PLEKHA6: variants seen among roughly 807,000 people sequenced by gnomAD.
The protein encoded by PLEKHA6 is pleckstrin homology domain-containing family A member 6.
In PLEKHA6, 60 loss-of-function variants were observed where a neutral mutation model predicts 116.7. That is an observed-to-expected ratio of 0.51 (90% CI 0.42 to 0.64). The LOEUF (loss-of-function observed/expected upper bound fraction) is 0.64, where lower values mean the gene tolerates loss of function less well. Among genes scored for constraint, PLEKHA6 ranks in the 30% least tolerant of loss-of-function variants. The probability of loss-of-function intolerance (pLI) is 0.00; values close to 1 mark genes in which losing one functional copy is unlikely to be tolerated. For missense variants in PLEKHA6, 1,338 were observed against 1,422.7 expected, an observed-to-expected ratio of 0.94 and a Z score of 0.96; for synonymous variants, 489 against 556.1, an observed-to-expected ratio of 0.88 and a Z score of 1.70.
At chr1:204,256,902 G>A in intron 9 of PLEKHA6, 1 of 627,998 alleles carries the variant, frequency 1.6e-6, no homozygotes, top group Non-Finnish European at 2.9e-6. Flanking sequence ...GAAGAGAAAG[G>A]GATCGCAGAG....
chr1:204,226,986 T>C (rs1048676214), intron 21 of PLEKHA6, among the ~76,000 whole-genome samples: 1 of 152,198 alleles, frequency 6.6e-6, no homozygotes, highest in Non-Finnish European at 1.5e-5. Context: ...GCACACATTG[T>C]TTCCAATCCT....
intron 3 of PLEKHA6, among the ~76,000 whole-genome samples, chr1:204,268,823 C>T (rs1257972918): frequency 6.6e-6 from 1 of 152,166 alleles, no homozygotes; most frequent in Non-Finnish European, 1.5e-5. Context: ...CACACTATGG[C>T]AATAGTCCAC....
rs74513732 is a variant in PLEKHA6 at position 204,223,374 on chromosome 1, C to T, written c.*8+88G>A. The T allele has an allele frequency of 9.5e-4, 702 of 735,892 alleles. 8 individuals are homozygous for T. In the East Asian group the frequency reaches 0.016, roughly 16 times the overall value. 45.6% of individuals were successfully genotyped at this position (735,892 alleles called of 1,614,324 possible). A position where few individuals can be genotyped will look rare whatever the true frequency, so the allele number is the denominator to read the frequency against. Reference sequence around the variant, plus strand: ...CACTGGGGTAGGGGAGAAGCAATACCAAAATGAGAGGGCATAGATGGCTCA... The same window carrying T: ...CACTGGGGTAGGGGAGAAGCAATACTAAAATGAGAGGGCATAGATGGCTCA... On this transcript the variant is annotated intron_variant, in intron 22 of 22. Transcript: ENST00000272203. The surrounding 1 kb of genome is among the most constrained non-coding windows in gnomAD (Gnocchi z 4.8).
At chr1:204,370,897 T>C (rs1382769554) in intron 2 of PLEKHA6, among the ~76,000 whole-genome samples, 1 of 151,882 alleles carries the variant, frequency 6.6e-6, no homozygotes, top group African/African-American at 2.4e-5. Flanking sequence ...CTACTAACAA[T>C]ACAAAAATTA....
At chr1:204,299,132 T>G (rs1670569663) in intron 1 of PLEKHA6, among the ~76,000 whole-genome samples, 1 of 152,216 alleles carries the variant, frequency 6.6e-6, no homozygotes, top group Non-Finnish European at 1.5e-5. Flanking sequence ...GAGTAGTCAG[T>G]AACTTGTACC....
chr1:204,358,084 G>T (rs148526384), intron 1 of PLEKHA6, among the ~76,000 whole-genome samples: 1 of 152,330 alleles, frequency 6.6e-6, no homozygotes, highest in East Asian at 1.9e-4. Flanking sequence ...GACCCCCATT[G>T]TCTGCAGCCT....
rs542878024 is a variant in PLEKHA6, at chr1:204,338,747, T to C, written c.-95+20947A>G. On this transcript the variant is annotated intron_variant, in intron 1 of 22. Transcript: ENST00000272203. ...CTTCTGAAAACGGGCAGGATTTTGGTAAATGGAAGTAAGACAGGAGCAGAC... is the reference window on the plus strand; with the variant it reads ...CTTCTGAAAACGGGCAGGATTTTGGCAAATGGAAGTAAGACAGGAGCAGAC... Among the ~76,000 whole-genome samples, 78 of 151,952 alleles carry C rather than the reference T, an allele frequency of 5.1e-4. 2 individuals carry two copies. The South Asian group carries it at 0.015, about 29-fold the overall frequency.
chr1:204,330,547 G>A (rs975859151), intron 1 of PLEKHA6, among the ~76,000 whole-genome samples: 4 of 152,180 alleles, frequency 2.6e-5, no homozygotes, highest in East Asian at 1.9e-4. Flanking sequence ...TGTGCTAGGC[G>A]ATAGTGCAAT....
rs181460109 is a variant in PLEKHA6 at position 204,267,680 on chromosome 1, C to A, written c.208-133G>T. On this transcript the variant is annotated intron_variant, in intron 4 of 22. Transcript: ENST00000272203. Reference sequence around the variant, plus strand: ...TAGCTGCGGCTCTGCTGTTAATGCACGGCAGCAACCCCTGGAGACCTCAGA... The same window carrying A: ...TAGCTGCGGCTCTGCTGTTAATGCAAGGCAGCAACCCCTGGAGACCTCAGA... The A allele has an allele frequency of 5.6e-6, 4 of 715,870 alleles. No homozygotes were observed. In the African/African-American group the frequency reaches 7.0e-5, roughly 12 times the overall value. 44.3% of individuals were successfully genotyped at this position (715,870 alleles called of 1,614,324 possible).
At chr1:204,252,242 G>T (rs1320841499) in intron 9 of PLEKHA6, among the ~76,000 whole-genome samples, 4 of 150,698 alleles carry the variant, frequency 2.7e-5, no homozygotes, top group African/African-American at 9.8e-5. Context: ...GGGACACCAG[G>T]CTTTCCAACA....
intron 1 of PLEKHA6, among the ~76,000 whole-genome samples, chr1:204,302,067 T>C (rs2103091978): frequency 6.6e-6 from 1 of 152,324 alleles, no homozygotes; most frequent in East Asian, 1.9e-4. Flanking sequence ...GCTTCTTTTC[T>C]TGGAGTGATA....
chr1:204,245,925 G>A (rs541768664), intron 13 of PLEKHA6, among the ~76,000 whole-genome samples, 199 bp from the exon 14 acceptor site: 25 of 152,124 alleles, frequency 1.6e-4, no homozygotes, highest in African/African-American at 5.3e-4. Context: ...CTGCTCTTCA[G>A]CCTCTAGGAG....
chr1:204,371,776 C>T (rs984173161), intron 1 of PLEKHA6, among the ~76,000 whole-genome samples: 2 of 152,254 alleles, frequency 1.3e-5, no homozygotes, highest in African/African-American at 4.8e-5. Flanking sequence ...TTACTAAGCA[C>T]ACTCTGAGGA....
At chr1:204,332,069 T>C (rs1672473972) in intron 1 of PLEKHA6, among the ~76,000 whole-genome samples, 2 of 152,178 alleles carry the variant, frequency 1.3e-5, no homozygotes, top group South Asian at 4.1e-4. Flanking sequence ...ACCTGCCTCC[T>C]GAGGGGCGGA....
chr1:204,320,792 T>A (rs753709427), intron 1 of PLEKHA6, among the ~76,000 whole-genome samples: 9 of 152,292 alleles, frequency 5.9e-5, no homozygotes, highest in Non-Finnish European at 1.3e-4. Flanking sequence ...AGGGTATGTG[T>A]GTGTAGAATG....
At chr1:204,292,741 G>C (rs1036264804) in intron 1 of PLEKHA6, among the ~76,000 whole-genome samples, 4 of 152,226 alleles carry the variant, frequency 2.6e-5, no homozygotes, top group African/African-American at 9.6e-5. Flanking sequence ...ACAGGGTCAG[G>C]ACAGGTCAAC....
intron 5 of PLEKHA6, 85 bp downstream of exon 5, chr1:204,267,390 G>T (rs1209501168): frequency 1.6e-6 from 2 of 1,237,296 alleles, no homozygotes; most frequent in Non-Finnish European, 2.4e-6. Flanking sequence ...CCCATCCAAA[G>T]CCAAGCTCGG....
chr1:204,320,107 C>T (rs1464472985), intron 1 of PLEKHA6, among the ~76,000 whole-genome samples: 1 of 152,310 alleles, frequency 6.6e-6, no homozygotes, highest in East Asian at 1.9e-4. Context: ...CCCCATCATC[C>T]TTATTCTCTC....
chr1:204,244,799 T>C, intron 15 of PLEKHA6, 65 bp downstream of exon 15: 1 of 1,289,374 alleles, frequency 7.8e-7, no homozygotes, highest in South Asian at 1.5e-5. Flanking sequence ...AGTTGTATAG[T>C]TTCAGACAAA....
Sources: gnomAD v4.1 joint callset for allele counts (sites outside exome capture counted in the v4.1 genomes callset) on GRCh38, gnomAD v4.1.1 for gene constraint, Gnocchi (gnomAD v3.1) non-coding constraint, MANE v1.5 for transcripts, NCBI Gene and HGNC (gene_info 2026-07-23, HGNC 2026-07-21) for gene names.